ELMO1: variants seen among roughly 807,000 people sequenced by gnomAD.
ELMO1 encodes the protein engulfment and cell motility protein 1.
In ELMO1, 26 loss-of-function variants were observed where a neutral mutation model predicts 98.9. The ratio of observed to expected loss-of-function variants is 0.26; its 90% CI spans 0.19 to 0.36. The LOEUF is 0.36. Ranked by LOEUF, ELMO1 falls within the 10% of genes least tolerant of loss-of-function variation. The probability of loss-of-function intolerance (pLI) is 1.00; values close to 1 mark genes in which losing one functional copy is unlikely to be tolerated. For missense variants in ELMO1, 627 were observed against 935.2 expected (o/e 0.67, Z 4.30); for synonymous variants, 346 against 346.0 (o/e 1.00, Z 0.00).
intron 13 of ELMO1, among the ~76,000 whole-genome samples, chr7:37,187,503 C>G (rs564383917): frequency 3.3e-5 from 5 of 152,258 alleles, no homozygotes; most frequent in Non-Finnish European, 5.9e-5. Flanking sequence ...CTCAGTTTTA[C>G]AAATTTTGTA....
chr7:37,273,814 G>A (rs1314243960), intron 4 of ELMO1, among the ~76,000 whole-genome samples: 1 of 152,154 alleles, frequency 6.6e-6, no homozygotes, highest in Admixed American at 6.5e-5. Context: ...ACACTGAGGT[G>A]GTGGGAAATT....
At position 37,321,711 on chromosome 7, in the gene ELMO1, C is replaced by T. The variant is rs551163247; in HGVS notation, c.79-5751G>A. Among the ~76,000 whole-genome samples the T allele has an allele frequency of 6.6e-3, 293 of 44,284 alleles. 5 individuals are homozygous for T. The highest frequency in any genetic ancestry group is 0.066 in the African/African-American group (276 of 4,174). 29.1% of individuals were successfully genotyped at this position (44,284 alleles called of 152,430 possible). A position where few individuals can be genotyped will look rare whatever the true frequency, so the allele number is the denominator to read the frequency against. On this transcript the variant is annotated intron_variant, in intron 2 of 21. Transcript: ENST00000310758. Reference sequence around the variant, plus strand: ...TAGCCTGGGCAACAGAGCGAGACTCCGTCTCAAAAAAAAAAAAAAAAAAAA... The same window carrying T: ...TAGCCTGGGCAACAGAGCGAGACTCTGTCTCAAAAAAAAAAAAAAAAAAAA...
At chr7:37,246,678 C>G (rs1584867095) in intron 6 of ELMO1, among the ~76,000 whole-genome samples, 1 of 152,106 alleles carries the variant, frequency 6.6e-6, no homozygotes, top group South Asian at 2.1e-4. Context: ...TAAGCAGCGC[C>G]TACAACATAT....
At chr7:36,940,200 T>C (rs888011828) in intron 16 of ELMO1, among the ~76,000 whole-genome samples, 21 of 152,186 alleles carry the variant, frequency 1.4e-4, no homozygotes, top group Non-Finnish European at 2.9e-4. Flanking sequence ...CTTGCCTAAA[T>C]TGGCAATTAA....
At chr7:37,405,904 C>A (rs184616091) in intron 1 of ELMO1, among the ~76,000 whole-genome samples, 1 of 152,326 alleles carries the variant, frequency 6.6e-6, no homozygotes. Context: ...ACCACGAGAG[C>A]ATGGGTCAGA....
chr7:37,318,563 G>T (rs747860788), intron 2 of ELMO1, among the ~76,000 whole-genome samples: 57 of 152,042 alleles, frequency 3.7e-4, no homozygotes, highest in Non-Finnish European at 3.8e-4. Flanking sequence ...GGTCTCTAGG[G>T]TACTATTATA....
At chr7:36,860,805 T>G (rs1307970042) in intron 21 of ELMO1, among the ~76,000 whole-genome samples, 1 of 152,218 alleles carries the variant, frequency 6.6e-6, no homozygotes, top group Admixed American at 6.5e-5. Context: ...AATGCAGGAT[T>G]TGTGTCTAAT....
At chr7:37,078,062 C>T (rs934287719) in intron 15 of ELMO1, among the ~76,000 whole-genome samples, 1 of 152,124 alleles carries the variant, frequency 6.6e-6, no homozygotes, top group Non-Finnish European at 1.5e-5. Flanking sequence ...GGCCCAGCAG[C>T]CACAGTGCTG....
chr7:36,957,886 A>T (rs1788599862), intron 16 of ELMO1, among the ~76,000 whole-genome samples: 1 of 152,208 alleles, frequency 6.6e-6, no homozygotes, highest in South Asian at 2.1e-4. Context: ...ATCTGTAGGT[A>T]GCCCCTCCGG....
intron 1 of ELMO1, among the ~76,000 whole-genome samples, chr7:37,379,395 G>T (rs925440021): frequency 6.6e-6 from 1 of 152,042 alleles, no homozygotes; most frequent in Non-Finnish European, 1.5e-5. Flanking sequence ...TCCTTGAAGG[G>T]GTCAGGCTCT....
At chr7:36,901,925 T>G (rs188424212) in intron 16 of ELMO1, among the ~76,000 whole-genome samples, 1 of 152,320 alleles carries the variant, frequency 6.6e-6, no homozygotes, top group Admixed American at 6.5e-5. Flanking sequence ...CAGAATCGGT[T>G]CCGACAGATT....
At chr7:36,894,205 G>C (rs1043959366) in intron 17 of ELMO1, among the ~76,000 whole-genome samples, 3 of 152,210 alleles carry the variant, frequency 2.0e-5, no homozygotes, top group African/African-American at 7.2e-5. Context: ...TCATGTGTGA[G>C]TTCAGAACAC....
intron 16 of ELMO1, among the ~76,000 whole-genome samples, chr7:36,953,969 A>G (rs1005587202): frequency 1.1e-4 from 17 of 152,100 alleles, no homozygotes; most frequent in Admixed American, 3.3e-4. Flanking sequence ...ATCTTTATTC[A>G]GAAGCTAATT....
intron 4 of ELMO1, among the ~76,000 whole-genome samples, 198 bp downstream of exon 4, chr7:37,314,652 T>C (rs1052968185): frequency 1.6e-4 from 25 of 152,186 alleles, no homozygotes; most frequent in Non-Finnish European, 2.9e-4. Context: ...ACGAAACATA[T>C]TTGGTCTTTA....
chr7:37,193,235 G>A (rs73108915), intron 13 of ELMO1, among the ~76,000 whole-genome samples: 5,850 of 151,840 alleles, frequency 0.039, 164 homozygotes, highest in African/African-American at 0.073. Flanking sequence ...TCTTGGTGAG[G>A]GGGGAGGCTC....
At chr7:37,222,803 T>A in intron 9 of ELMO1, 110 bp from the exon 10 acceptor site, 1 of 927,208 alleles carries the variant, frequency 1.1e-6, no homozygotes, top group Non-Finnish European at 1.7e-6. Context: ...CCAAAAAAAG[T>A]GAGAGAGAAA....
At chr7:36,980,002 T>C (rs1481997947) in intron 16 of ELMO1, among the ~76,000 whole-genome samples, 1 of 152,210 alleles carries the variant, frequency 6.6e-6, no homozygotes, top group Non-Finnish European at 1.5e-5. Flanking sequence ...CTTCCAGGTC[T>C]GGGAATGATG....
intron 16 of ELMO1, among the ~76,000 whole-genome samples, chr7:36,926,523 G>A (rs1329185161): frequency 6.6e-6 from 1 of 152,104 alleles, no homozygotes; most frequent in African/African-American, 2.4e-5. Flanking sequence ...TGGAGTCTCA[G>A]GTTTTACCTT....
chr7:37,109,377 C>T (rs899667995), intron 14 of ELMO1, among the ~76,000 whole-genome samples: 16 of 152,206 alleles, frequency 1.1e-4, no homozygotes, highest in African/African-American at 3.6e-4. Context: ...CAAGTATTTG[C>T]TATAAATGCT....
Sources: gnomAD v4.1 joint callset for allele counts (sites outside exome capture counted in the v4.1 genomes callset) on GRCh38, gnomAD v4.1.1 for gene constraint, MANE v1.5 for transcripts, NCBI Gene and HGNC (gene_info 2026-07-23, HGNC 2026-07-21) for gene names.